Variants in RFX3 observed in about 807,000 individuals in gnomAD.
RFX3 encodes regulatory factor X3.
In RFX3, 14 loss-of-function variants were observed where a neutral mutation model predicts 98.6. That is an observed-to-expected ratio of 0.14 (90% CI 0.09 to 0.22). The LOEUF (loss-of-function observed/expected upper bound fraction) is 0.22. Ranked by LOEUF, RFX3 falls within the 10% of genes least tolerant of loss-of-function variation. The probability of loss-of-function intolerance (pLI) is 1.00; values close to 1 mark genes in which losing one functional copy is unlikely to be tolerated. For synonymous variants in RFX3, 383 were observed against 328.4 expected, an observed-to-expected ratio of 1.17 and a Z score of -1.80; for missense variants, 639 against 926.9, an observed-to-expected ratio of 0.69 and a Z score of 4.03.
intron 1 of RFX3, among the ~76,000 whole-genome samples, chr9:3,504,906 A>ATAATATATAATATAACATATATTATATAT (rs1554728009): frequency 4.1e-5 from 1 of 24,452 alleles, no homozygotes; most frequent in African/African-American, 1.8e-4. Context: ...TATATTATAT[A>ATAATATATAATATAACATATATTATATAT]TATATATAAT....
At chr9:3,311,891 A>T (rs1314165830) in intron 4 of RFX3, among the ~76,000 whole-genome samples, 1 of 151,656 alleles carries the variant, frequency 6.6e-6, no homozygotes, top group Non-Finnish European at 1.5e-5. Flanking sequence ...CCACCCCCCT[A>T]CTCCCCCAAA....
At position 3,425,322 on chromosome 9, in the gene RFX3, A is replaced by C. The variant is rs113894094; in HGVS notation, c.-8-29726T>G. Among the ~76,000 whole-genome samples, 815 of 152,342 alleles carry C rather than the reference A, an allele frequency of 5.3e-3. 11 individuals carry two copies. The highest frequency in any genetic ancestry group is 8.0e-3 in the Admixed American group (123 of 15,296). On this transcript the variant is annotated intron_variant, in intron 1 of 16. Coordinates refer to ENST00000617270, the MANE Select transcript of RFX3 (RefSeq NM_001282116.2). ...CAAACTAGAAATGTGGTAGGATAAA[A>C]GTGTCAAAGGCCTTGTGATCAGAGG...
intron 7 of RFX3, among the ~76,000 whole-genome samples, chr9:3,282,244 A>G (rs1047026078): frequency 4.0e-5 from 6 of 151,686 alleles, no homozygotes; most frequent in Non-Finnish European, 7.4e-5. Flanking sequence ...GAAGAGTTCC[A>G]CTCTTTTAGA....
intron 3 of RFX3, among the ~76,000 whole-genome samples, chr9:3,333,143 G>C (rs1003067722): frequency 3.3e-5 from 5 of 152,128 alleles, no homozygotes; most frequent in African/African-American, 1.2e-4. Context: ...ATATTTAAAA[G>C]TATGGTAGAC....
rs1817257470 is a variant in RFX3, at chr9:3,219,984, G to A, written c.*5058C>T. On this transcript the variant is annotated 3_prime_UTR_variant, in exon 17 of 17. Coordinates refer to ENST00000617270, the MANE Select transcript of RFX3 (RefSeq NM_001282116.2). The stretch of plus-strand genomic sequence containing the variant: ...GAACAGAGGGAATCAAGTGCACGAA[G>A]AGATTCCCTTGAACAAAATCAGCAA... 1 of 152,178 alleles carries A rather than the reference G, an allele frequency of 6.6e-6. No homozygotes were observed. The highest frequency in any genetic ancestry group is 1.5e-5 in the Non-Finnish European group (1 of 68,036). 9.4% of individuals were successfully genotyped at this position (152,178 alleles called of 1,614,324 possible).
intron 2 of RFX3, among the ~76,000 whole-genome samples, chr9:3,390,388 G>T (rs1303357711): frequency 2.0e-5 from 3 of 152,192 alleles, no homozygotes; most frequent in African/African-American, 7.2e-5. Context: ...AAAATTGTGA[G>T]AAAGTTTGGA....
chr9:3,448,772 G>C (rs1846284514), intron 1 of RFX3, among the ~76,000 whole-genome samples: 3 of 152,066 alleles, frequency 2.0e-5, no homozygotes, highest in East Asian at 3.9e-4. Context: ...TTTCCACCTT[G>C]ACCTCCCAAA....
intron 15 of RFX3, chr9:3,247,148 G>A (rs540050340): frequency 8.9e-5 from 88 of 985,052 alleles, no homozygotes; most frequent in Non-Finnish European, 9.9e-5. Context: ...GGTATGATTC[G>A]ACAAGGTATA....
chr9:3,431,027 CG>C (rs1401141969), intron 1 of RFX3, among the ~76,000 whole-genome samples: 2 of 152,008 alleles, frequency 1.3e-5, no homozygotes, highest in African/African-American at 2.4e-5. Flanking sequence ...GTAAAGATGC[CG>C]TATTAAATAA....
At chr9:3,287,043 T>C (rs1826700858) in intron 7 of RFX3, among the ~76,000 whole-genome samples, 1 of 151,940 alleles carries the variant, frequency 6.6e-6, no homozygotes, top group Non-Finnish European at 1.5e-5. Context: ...TATTCCATTT[T>C]TTTTCCATTC....
At chr9:3,287,638 T>C (rs1270759107) in intron 7 of RFX3, among the ~76,000 whole-genome samples, 2 of 152,062 alleles carry the variant, frequency 1.3e-5, no homozygotes, top group Non-Finnish European at 2.9e-5. Context: ...CATCCATCAT[T>C]CATCCATCCA....
intron 1 of RFX3, among the ~76,000 whole-genome samples, chr9:3,429,405 T>C (rs1189373190): frequency 6.7e-6 from 1 of 149,322 alleles, no homozygotes; most frequent in Non-Finnish European, 1.5e-5. Context: ...ACCAATACTA[T>C]ATATATAATA....
intron 1 of RFX3, among the ~76,000 whole-genome samples, chr9:3,513,247 T>G (rs1055956533): frequency 6.6e-6 from 1 of 152,130 alleles, no homozygotes; most frequent in South Asian, 2.1e-4. Context: ...AATCAAATAT[T>G]AGAAATGTCA....
At chr9:3,512,863 C>T (rs187336610) in intron 1 of RFX3, among the ~76,000 whole-genome samples, 238 of 152,114 alleles carry the variant, frequency 1.6e-3, no homozygotes, top group African/African-American at 5.4e-3. Flanking sequence ...AAATTCTCTA[C>T]TAATTTCATT....
chr9:3,270,301 C>T (rs529319426), intron 11 of RFX3, 70 bp downstream of exon 11: 2 of 1,434,508 alleles, frequency 1.4e-6, no homozygotes, highest in East Asian at 4.6e-5. Flanking sequence ...ATTGCAATGT[C>T]ACTTCTCAAA....
chr9:3,256,250 G>A (rs1453022023), intron 14 of RFX3, among the ~76,000 whole-genome samples: 3 of 151,716 alleles, frequency 2.0e-5, no homozygotes, highest in African/African-American at 4.8e-5. Context: ...GATTACAGGC[G>A]TAAGCCACCG....
intron 1 of RFX3, among the ~76,000 whole-genome samples, chr9:3,458,382 G>C (rs1564126728): frequency 6.6e-6 from 1 of 152,102 alleles, no homozygotes; most frequent in Non-Finnish European, 1.5e-5. Flanking sequence ...CATAACACAA[G>C]TATTACAAAT....
chr9:3,317,252 A>G (rs956205730), intron 4 of RFX3, among the ~76,000 whole-genome samples: 1 of 152,250 alleles, frequency 6.6e-6, no homozygotes, highest in African/African-American at 2.4e-5. Flanking sequence ...AAATTTGACA[A>G]AAGCAAGAAA....
At chr9:3,238,763 G>A (rs1462520817) in intron 15 of RFX3, among the ~76,000 whole-genome samples, 1 of 152,130 alleles carries the variant, frequency 6.6e-6, no homozygotes, top group Non-Finnish European at 1.5e-5. Context: ...CGAGGCAGGC[G>A]GATCACGTGA....
Sources: allele counts gnomAD v4.1 joint callset (sites outside exome capture counted in the v4.1 genomes callset), GRCh38; gene constraint gnomAD v4.1.1; transcripts MANE v1.5; gene names NCBI Gene and HGNC (gene_info 2026-07-23, HGNC 2026-07-21).